The following NWD2 variants were observed in gnomAD, a reference collection of about 807,000 sequenced individuals.
NWD2 encodes NACHT and WD repeat domain-containing protein 2.
In NWD2, 37 loss-of-function variants were observed where a neutral mutation model predicts 132.7. That is an observed-to-expected ratio of 0.28 (90% CI 0.21 to 0.37). The LOEUF (loss-of-function observed/expected upper bound fraction) is 0.37, where lower values mean the gene tolerates loss of function less well. Ranked by LOEUF, NWD2 falls within the 10% of genes least tolerant of loss-of-function variation. The pLI, the probability that NWD2 is intolerant of heterozygous loss-of-function variation, is 1.00. For synonymous variants in NWD2, 705 were observed against 803.0 expected, an observed-to-expected ratio of 0.88 and a Z score of 2.06; for missense variants, 1,592 against 2,122.4, an observed-to-expected ratio of 0.75 and a Z score of 4.91.
At position 37,290,645 on chromosome 4, in the gene NWD2, C is replaced by T. The variant is rs182356603; in HGVS notation, c.152-35291C>T. 1.1e-4 allele frequency among the ~76,000 whole-genome samples: 16 copies of T among 152,256 alleles called. No individual in the cohort carries two copies. The East Asian group carries it at 2.9e-3, about 28-fold the overall frequency. The stretch of plus-strand genomic sequence containing the variant: ...TAGACCACAGATGTGTGGAAACCAC[C>T]TAAGAAGAAAGATGGCATGTTGGAA... On this transcript the variant is annotated intron_variant, in intron 1 of 6. Transcript: ENST00000309447.
intron 1 of NWD2, among the ~76,000 whole-genome samples, chr4:37,272,294 C>T (rs181456398): frequency 6.6e-6 from 1 of 151,624 alleles, no homozygotes; most frequent in African/African-American, 2.4e-5. Context: ...CATTTGGTAC[C>T]AGAGCCTCAT....
At chr4:37,262,263 A>C (rs534446959) in intron 1 of NWD2, among the ~76,000 whole-genome samples, 3 of 152,324 alleles carry the variant, frequency 2.0e-5, no homozygotes, top group African/African-American at 7.2e-5. Flanking sequence ...CTATTCATTT[A>C]AGGAGCATAT....
chr4:37,316,860 A>G (rs997070979), intron 1 of NWD2, among the ~76,000 whole-genome samples: 2 of 152,012 alleles, frequency 1.3e-5, no homozygotes, highest in African/African-American at 4.8e-5. Flanking sequence ...ACAATTCTAG[A>G]TCCTGATTTT....
At position 37,244,970 on chromosome 4, in the gene NWD2, A is replaced by G; in HGVS notation, c.-98A>G. On this transcript the variant is annotated 5_prime_UTR_variant, in exon 1 of 7. Transcript: ENST00000309447. This position sits in a 1 kb window ranked among gnomAD's most constrained non-coding sequence, Gnocchi z 5.5. ...CGGCTCTGAGCCGCGCCGCCTGCTGAGATCGACCGCCTGCTGAGCCGTTCC... is the reference window on the plus strand; with the variant it reads ...CGGCTCTGAGCCGCGCCGCCTGCTGGGATCGACCGCCTGCTGAGCCGTTCC... 4 of 1,480,618 alleles carry G rather than the reference A, an allele frequency of 2.7e-6. No individual in the cohort carries two copies. Among genetic ancestry groups the G allele is most frequent in the Non-Finnish European group, 3.6e-6 (4 of 1,106,724 alleles). The allele number at this position is 1,480,618 out of a possible 1,614,324, so 91.7% of individuals were successfully genotyped here. A position where few individuals can be genotyped will look rare whatever the true frequency, so the allele number is the denominator to read the frequency against.
At chr4:37,268,254 C>T (rs190326384) in intron 1 of NWD2, among the ~76,000 whole-genome samples, 2 of 152,042 alleles carry the variant, frequency 1.3e-5, no homozygotes, top group East Asian at 3.9e-4. Context: ...TCTTCTCTCT[C>T]CTGGAGAGTT....
chr4:37,410,697 T>A (rs2109318948), intron 3 of NWD2, among the ~76,000 whole-genome samples: 1 of 152,338 alleles, frequency 6.6e-6, no homozygotes, highest in South Asian at 2.1e-4. Context: ...ATGTACATTC[T>A]TCTCAGCACG....
chr4:37,437,649 G>A (rs576276519), intron 5 of NWD2, among the ~76,000 whole-genome samples: 64 of 150,810 alleles, frequency 4.2e-4, no homozygotes, highest in African/African-American at 1.4e-3. Context: ...GAAAGGAAGA[G>A]CAGCCAATTT....
chr4:37,364,490 A>G (rs559679296), intron 3 of NWD2, among the ~76,000 whole-genome samples: 2 of 152,286 alleles, frequency 1.3e-5, no homozygotes, highest in South Asian at 2.1e-4. Flanking sequence ...TGCCTGCAGT[A>G]GTATGCCTTG....
chr4:37,288,936 C>G (rs1718300686), intron 1 of NWD2, among the ~76,000 whole-genome samples: 1 of 151,406 alleles, frequency 6.6e-6, no homozygotes, highest in Non-Finnish European at 1.5e-5. Context: ...AGGGAAACAA[C>G]AGTTATAAAT....
intron 3 of NWD2, among the ~76,000 whole-genome samples, chr4:37,394,998 A>G (rs1344675321): frequency 6.7e-6 from 1 of 149,648 alleles, no homozygotes; most frequent in Non-Finnish European, 1.5e-5. Context: ...TTTCTAGTAG[A>G]GATGGGGTTT....
chr4:37,386,915 A>G (rs1412977880), intron 3 of NWD2, among the ~76,000 whole-genome samples: 1 of 152,124 alleles, frequency 6.6e-6, no homozygotes, highest in Non-Finnish European at 1.5e-5. Flanking sequence ...GTCTTTTGCT[A>G]GAATTGAAAG....
At chr4:37,271,631 A>G (rs950057693) in intron 1 of NWD2, among the ~76,000 whole-genome samples, 1 of 151,806 alleles carries the variant, frequency 6.6e-6, no homozygotes, top group African/African-American at 2.4e-5. Flanking sequence ...CATATCATCT[A>G]GAATGAGTTT....
chr4:37,264,767 C>T (rs1362565946), intron 1 of NWD2, among the ~76,000 whole-genome samples: 1 of 149,568 alleles, frequency 6.7e-6, no homozygotes, highest in African/African-American at 2.5e-5. Flanking sequence ...TTTAATTTTC[C>T]ATTTTAGTTG....
chr4:37,263,677 A>G (rs1717694365), intron 1 of NWD2, among the ~76,000 whole-genome samples: 1 of 151,498 alleles, frequency 6.6e-6, no homozygotes, highest in South Asian at 2.1e-4. Context: ...GAGTAGAAGT[A>G]GAATTATTTA....
At chr4:37,387,238 T>C (rs1720582320) in intron 3 of NWD2, among the ~76,000 whole-genome samples, 1 of 152,162 alleles carries the variant, frequency 6.6e-6, no homozygotes, top group Non-Finnish European at 1.5e-5. Flanking sequence ...ATGGAATTAA[T>C]TTAATAATGT....
chr4:37,346,435 T>C (rs552964671), intron 2 of NWD2, among the ~76,000 whole-genome samples: 1 of 152,324 alleles, frequency 6.6e-6, no homozygotes, highest in African/African-American at 2.4e-5. Context: ...AAGTTTGAAA[T>C]CCAGAAGTGT....
rs907972078 is a variant in NWD2 at position 37,271,741 on chromosome 4, G to C, written c.151+26523G>C. On this transcript the variant is annotated intron_variant, in intron 1 of 6. Coordinates refer to ENST00000309447, the MANE Select transcript of NWD2 (RefSeq NM_001144990.2). ...AATAAGTTGTTAAACAAAAGTGATGGGCAGACATTTTTTCCTGTTTCCAAT... is the reference window on the plus strand; with the variant it reads ...AATAAGTTGTTAAACAAAAGTGATGCGCAGACATTTTTTCCTGTTTCCAAT... Among the ~76,000 whole-genome samples the C allele has an allele frequency of 2.6e-5, 4 of 151,620 alleles. No homozygotes were observed. In the East Asian group the frequency reaches 5.8e-4, roughly 22 times the overall value.
chr4:37,383,757 C>T (rs945272784), intron 3 of NWD2, among the ~76,000 whole-genome samples: 1 of 152,180 alleles, frequency 6.6e-6, no homozygotes, highest in Non-Finnish European at 1.5e-5. Context: ...TGCCCCATGG[C>T]TCTTACTTTG....
intron 6 of NWD2, among the ~76,000 whole-genome samples, chr4:37,442,492 C>T (rs1426525382): frequency 6.6e-6 from 1 of 152,184 alleles, no homozygotes; most frequent in Non-Finnish European, 1.5e-5. Flanking sequence ...TCTGAGCAGT[C>T]ATTTATCCAG....
Sources: allele counts gnomAD v4.1 joint callset (sites outside exome capture counted in the v4.1 genomes callset), GRCh38; gene constraint gnomAD v4.1.1; non-coding constraint Gnocchi (gnomAD v3.1); transcripts MANE v1.5; gene names NCBI Gene and HGNC (gene_info 2026-07-23, HGNC 2026-07-21).